RBFOX2: variants seen among roughly 807,000 people sequenced by gnomAD.
RBFOX2 encodes the protein RNA binding fox-1 homolog 2.
Under a neutral mutation model 49.1 loss-of-function variants are expected in RBFOX2, and 10 were observed. The observed-to-expected ratio is 0.20, with a 90% CI of 0.13 to 0.35. RBFOX2 has a LOEUF of 0.35. RBFOX2 is among the 10% of genes least tolerant of loss of function. RBFOX2 has a pLI of 1.00. For synonymous variants in RBFOX2, 183 were observed against 187.4 expected (o/e 0.98, Z 0.19); for missense variants, 323 against 486.9 (o/e 0.66, Z 3.17).
chr22:36,008,833 G>A (rs2058711352), intron 1 of RBFOX2, among the ~76,000 whole-genome samples: 1 of 151,810 alleles, frequency 6.6e-6, no homozygotes, highest in African/African-American at 2.4e-5. Context: ...GAAAAAAAAA[G>A]GAAAGATTCA....
chr22:35,775,854 A>G (rs559480013), intron 4 of RBFOX2, among the ~76,000 whole-genome samples: 1 of 151,298 alleles, frequency 6.6e-6, no homozygotes, highest in South Asian at 2.1e-4. Context: ...AAAAAAAAAA[A>G]AAAAAAAGAA....
chr22:35,879,953 C>T lies in RBFOX2; in HGVS notation c.-34+58894G>A, dbSNP rs140904449. On this transcript the variant is annotated intron_variant, in intron 1 of 13. Transcript: ENST00000359369. ...GGTGGATCACTTGAGGCCAGGAATT[C>T]GAGACCAGCATGGCCAACATGGCGA... Among the ~76,000 whole-genome samples the T allele has an allele frequency of 3.2e-3, 483 of 152,210 alleles. 1 individual carries two copies. Among genetic ancestry groups the T allele is most frequent in the African/African-American group, 0.011 (453 of 41,524 alleles).
chr22:35,923,414 C>A (rs2051251516), intron 1 of RBFOX2, among the ~76,000 whole-genome samples: 1 of 151,998 alleles, frequency 6.6e-6, no homozygotes. Flanking sequence ...TCTTTTGTCG[C>A]CCAGGCTGGA....
intron 1 of RBFOX2, among the ~76,000 whole-genome samples, chr22:36,024,687 G>C (rs1033898171): frequency 6.6e-6 from 1 of 151,880 alleles, no homozygotes; most frequent in Middle Eastern, 3.4e-3. Context: ...GTTGCAGTGA[G>C]CTGAGATCAA....
intron 1 of RBFOX2, among the ~76,000 whole-genome samples, chr22:35,925,139 C>T (rs1376870796): frequency 1.3e-5 from 2 of 151,842 alleles, no homozygotes; most frequent in Non-Finnish European, 2.9e-5. Context: ...TTGCAGTGAG[C>T]CGAGATCCAG....
chr22:35,956,641 G>C (rs939939014), intron 1 of RBFOX2, among the ~76,000 whole-genome samples: 5 of 152,142 alleles, frequency 3.3e-5, no homozygotes, highest in Admixed American at 1.3e-4. Context: ...TTACAGGTGT[G>C]AGCCACTGCG....
chr22:35,807,084 G>A (rs752655132), intron 2 of RBFOX2, among the ~76,000 whole-genome samples: 4 of 152,170 alleles, frequency 2.6e-5, no homozygotes, highest in Admixed American at 2.6e-4. Flanking sequence ...GATTACAGGC[G>A]TGAGCCACCC....
chr22:35,791,015 A>C (rs150741918), intron 2 of RBFOX2, among the ~76,000 whole-genome samples: 1 of 152,128 alleles, frequency 6.6e-6, no homozygotes, highest in East Asian at 1.9e-4. Flanking sequence ...CTCAAAACAA[A>C]AAACAAACAC....
chr22:35,756,993 T>C (rs1419820271), intron 9 of RBFOX2, among the ~76,000 whole-genome samples: 1 of 152,092 alleles, frequency 6.6e-6, no homozygotes, highest in African/African-American at 2.4e-5. Context: ...AGTAACAATA[T>C]AATCCAGAGT....
chr22:35,810,080 G>C, intron 1 of RBFOX2, 76 bp from the exon 3 acceptor site: 1 of 1,382,844 alleles, frequency 7.2e-7, no homozygotes, highest in South Asian at 1.3e-5. Context: ...TGAGTATATG[G>C]AATTCTCTGA....
At chr22:35,961,803 T>C (rs765772833), upstream of RBFOX2, 53 of 1,036,708 alleles carry the variant, frequency 5.1e-5, no homozygotes, top group Middle Eastern at 5.2e-4. Context: ...TAAATTTAGC[T>C]ACTTGGGATT....
chr22:35,751,290 C>G (rs925990443), intron 9 of RBFOX2, among the ~76,000 whole-genome samples: 5 of 152,026 alleles, frequency 3.3e-5, no homozygotes, highest in Admixed American at 1.3e-4. Flanking sequence ...TCTTTCTACC[C>G]GGAAGACAAT....
chr22:35,841,832 A>G (rs2040533493), upstream of RBFOX2, among the ~76,000 whole-genome samples: 1 of 152,216 alleles, frequency 6.6e-6, no homozygotes, highest in Non-Finnish European at 1.5e-5. Flanking sequence ...AATCACACTG[A>G]GAATACATAG....
intron 1 of RBFOX2, among the ~76,000 whole-genome samples, chr22:35,929,683 G>A (rs936321643): frequency 1.5e-4 from 23 of 151,610 alleles, no homozygotes; most frequent in African/African-American, 3.9e-4. Context: ...ACATGGTCTC[G>A]CTGTGTTGCC....
chr22:35,909,115 T>C (rs2049466875), intron 1 of RBFOX2, among the ~76,000 whole-genome samples: 1 of 152,186 alleles, frequency 6.6e-6, no homozygotes. Context: ...GTGCTGGAAT[T>C]ACAGGAGTGA....
intron 1 of RBFOX2, among the ~76,000 whole-genome samples, chr22:35,848,107 A>C (rs1423484418): frequency 6.6e-6 from 1 of 152,162 alleles, no homozygotes; most frequent in East Asian, 1.9e-4. Flanking sequence ...AATTTTACTT[A>C]TGTTATAGTT....
At chr22:35,977,729 T>G (rs1201966045) in intron 1 of RBFOX2, among the ~76,000 whole-genome samples, 2,989 of 30,228 alleles carry the variant, frequency 0.099, 203 homozygotes, top group African/African-American at 0.24. Context: ...GAACTATATA[T>G]ATATATATAT....
chr22:35,759,769 C>A lies in RBFOX2; in HGVS notation c.887+119G>T. 1 of 1,327,724 alleles carries A rather than the reference C, an allele frequency of 7.5e-7. No homozygotes were observed. The highest frequency in any genetic ancestry group is 1.0e-6 in the Non-Finnish European group (1 of 961,222). The allele number at this position is 1,327,724 out of a possible 1,614,324, so 82.2% of individuals were successfully genotyped here. ...TCTAATCTGTTAATTTGCAAATATT[C>A]ACTGAATGCCTACTCTGTGACACGG... On this transcript the variant is annotated intron_variant, in intron 9 of 11. Coordinates refer to ENST00000405409, the Ensembl canonical transcript of RBFOX2. This position sits in a 1 kb window ranked among gnomAD's most constrained non-coding sequence, Gnocchi z 4.6.
chr22:35,900,199 C>T (rs6000029), intron 1 of RBFOX2, among the ~76,000 whole-genome samples: 78 of 152,170 alleles, frequency 5.1e-4, no homozygotes, highest in African/African-American at 1.8e-3. Flanking sequence ...CTGCAACCTC[C>T]GCCTCCCGGG....
Sources: allele counts gnomAD v4.1 joint callset (sites outside exome capture counted in the v4.1 genomes callset), GRCh38; gene constraint gnomAD v4.1.1; non-coding constraint Gnocchi (gnomAD v3.1); transcripts MANE v1.5; gene names NCBI Gene and HGNC (gene_info 2026-07-23, HGNC 2026-07-21).